PLEKHB2: variants seen among roughly 807,000 people sequenced by gnomAD.
PLEKHB2 encodes pleckstrin homology domain-containing family B member 2.
Under a neutral mutation model 36.5 loss-of-function variants are expected in PLEKHB2, and 31 were observed. The ratio of observed to expected loss-of-function variants is 0.85; its 90% CI spans 0.64 to 1.15. The LOEUF is 1.15. Among genes scored for constraint, PLEKHB2 ranks in the 50% most tolerant of loss-of-function variants. PLEKHB2 has a pLI of 0.00. For missense variants in PLEKHB2, 262 were observed against 295.3 expected (o/e 0.89, Z 0.83); for synonymous variants, 119 against 112.0 (o/e 1.06, Z -0.39).
chr2:131,146,174 CCTT>C (rs1447398441), intron 7 of PLEKHB2, among the ~76,000 whole-genome samples: 5 of 151,096 alleles, frequency 3.3e-5, no homozygotes, highest in East Asian at 1.9e-4. Flanking sequence ...GAGCAAGACT[CCTT>C]CTCAAAAAAA....
chr2:131,105,950 G>C, intron 1 of PLEKHB2, among the ~76,000 whole-genome samples: 1 of 152,120 alleles, frequency 6.6e-6, no homozygotes, highest in East Asian at 1.9e-4. Context: ...CCCTCCTTAA[G>C]TCCCGGGGGG....
chr2:131,120,301 T>A (rs938709086), intron 1 of PLEKHB2: 1 of 153,142 alleles, frequency 6.5e-6, no homozygotes, highest in Non-Finnish European at 1.5e-5. Context: ...GGTTTCACCA[T>A]GTTGGCCAGG....
rs1159863375 is a variant in PLEKHB2 at position 131,132,883 on chromosome 2, C to T, written c.334-19C>T. ...TGCTGGGAAGCTGTCCTGTCCTCAC[C>T]CTCTCCTGTCTCCCGCAGGCGTATG... On this transcript the variant is annotated intron_variant, in intron 5 of 7. Transcript: ENST00000693505. 17 of 1,473,366 alleles carry T rather than the reference C, an allele frequency of 1.2e-5. No homozygotes were observed. In the East Asian group the frequency reaches 3.2e-4, roughly 27 times the overall value. 91.3% of individuals were successfully genotyped at this position (1,473,366 alleles called of 1,614,324 possible).
At chr2:131,139,813 C>T (rs1168021918) in intron 6 of PLEKHB2, among the ~76,000 whole-genome samples, 1 of 152,206 alleles carries the variant, frequency 6.6e-6, no homozygotes, top group African/African-American at 2.4e-5. Context: ...CTCATTATCA[C>T]CTGGTCCAAC....
At chr2:131,108,469 T>TA (rs1694955276) in intron 1 of PLEKHB2, among the ~76,000 whole-genome samples, 3 of 152,282 alleles carry the variant, frequency 2.0e-5, no homozygotes, top group South Asian at 4.1e-4. Flanking sequence ...TTCAGCATGC[T>TA]AAGGCAATCA....
chr2:131,144,232 G>A (rs1281728541), intron 7 of PLEKHB2, among the ~76,000 whole-genome samples: 1 of 152,178 alleles, frequency 6.6e-6, no homozygotes, highest in Non-Finnish European at 1.5e-5. Flanking sequence ...AGTGTGATTG[G>A]GACCAGTGGT....
At chr2:131,113,241 C>T (rs1695509959) in intron 1 of PLEKHB2, among the ~76,000 whole-genome samples, 1 of 152,084 alleles carries the variant, frequency 6.6e-6, no homozygotes. Flanking sequence ...GCCACCATGC[C>T]CCGCTGATTT....
chr2:131,145,613 G>GTTGCACTC (rs1699206007), intron 7 of PLEKHB2, among the ~76,000 whole-genome samples: 4 of 152,172 alleles, frequency 2.6e-5, no homozygotes, highest in African/African-American at 9.7e-5. Context: ...GGCATTACAG[G>GTTGCACTC]TGTGAGCCAT....
intron 1 of PLEKHB2, among the ~76,000 whole-genome samples, chr2:131,110,129 G>T (rs921387049): frequency 1.3e-5 from 2 of 151,676 alleles, no homozygotes; most frequent in African/African-American, 4.8e-5. Flanking sequence ...AAAAAAAATA[G>T]TATTTTATCT....
intron 1 of PLEKHB2, 85 bp from the exon 2 acceptor site, chr2:131,120,849 G>T: frequency 7.2e-7 from 1 of 1,381,428 alleles, no homozygotes; most frequent in Middle Eastern, 1.8e-4. Flanking sequence ...AGCTGATGCT[G>T]AAGGGGATAA....
chr2:131,108,591 A>G (rs1694966502), intron 1 of PLEKHB2, among the ~76,000 whole-genome samples: 1 of 152,192 alleles, frequency 6.6e-6, no homozygotes, highest in Non-Finnish European at 1.5e-5. Flanking sequence ...CCATACATAA[A>G]ATACACTAAC....
chr2:131,140,235 T>C lies in PLEKHB2; in HGVS notation c.492T>C (p.Asn164=). 1.2e-6 allele frequency: 2 copies of C among 1,613,140 alleles called. No homozygotes were observed. Among genetic ancestry groups the C allele is most frequent in the Non-Finnish European group, 1.7e-6 (2 of 1,179,072 alleles). ...PPGTQVVYAA[N]GQAYAVPYQY... Reference sequence around the variant, plus strand: ...GAACTCAAGTTGTCTACGCTGCGAATGGGCAGGCGTATGCCGTGCCCTACC... The same window carrying C: ...GAACTCAAGTTGTCTACGCTGCGAACGGGCAGGCGTATGCCGTGCCCTACC... The change falls in exon 7 of 8, where the codon AAT becomes AAC. Residue 164 remains asparagine (N), a synonymous_variant. Transcript: ENST00000693505.
chr2:131,149,316 AC>A lies in PLEKHB2; in HGVS notation c.*2544del. The A allele has an allele frequency of 6.6e-6, 1 of 152,370 alleles. No homozygotes were observed. Among genetic ancestry groups the A allele is most frequent in the East Asian group, 1.9e-4 (1 of 5,190 alleles). 9.4% of individuals were successfully genotyped at this position (152,370 alleles called of 1,614,324 possible). A position where few individuals can be genotyped will look rare whatever the true frequency, so the allele number is the denominator to read the frequency against. Reference sequence around the variant, plus strand: ...GTGTGAGTCAAGAAGTGCTTGAGTTACAAGAAACTTCTTATTCAGGTTTGAG... The same window carrying A: ...GTGTGAGTCAAGAAGTGCTTGAGTTAAAGAAACTTCTTATTCAGGTTTGAG... On this transcript the variant is annotated 3_prime_UTR_variant, in exon 8 of 8. Transcript: ENST00000693505.
chr2:131,127,808 G>A (rs1455577765), intron 4 of PLEKHB2, among the ~76,000 whole-genome samples: 1 of 152,238 alleles, frequency 6.6e-6, no homozygotes, highest in African/African-American at 2.4e-5. Flanking sequence ...GTAATCTGGA[G>A]TGATGCTGAT....
At chr2:131,137,659 G>T (rs962789821) in intron 6 of PLEKHB2, among the ~76,000 whole-genome samples, 10 of 152,138 alleles carry the variant, frequency 6.6e-5, no homozygotes, top group African/African-American at 2.4e-4. Context: ...CTTTTTGATA[G>T]TTTACTAAAG....
chr2:131,140,227 G>T lies in PLEKHB2; in HGVS notation c.484G>T (p.Ala162Ser). Residue 162 changes from alanine (A) to serine (S), a missense_variant, in exon 7 of 8, where the codon GCT (alanine) becomes TCT (serine). Coordinates refer to ENST00000693505, the MANE Select transcript of PLEKHB2 (RefSeq NM_001100623.2). ...CCCGCCAGGAACTCAAGTTGTCTAC[G>T]CTGCGAATGGGCAGGCGTATGCCGT... ...AYPPGTQVVY[A>S]ANGQAYAVPY... 1 of 1,613,506 alleles carries T rather than the reference G, an allele frequency of 6.2e-7. No individual in the cohort carries two copies. The highest frequency in any genetic ancestry group is 8.5e-7 in the Non-Finnish European group (1 of 1,179,446).
At chr2:131,115,610 C>T (rs1412018096) in intron 1 of PLEKHB2, among the ~76,000 whole-genome samples, 1 of 152,000 alleles carries the variant, frequency 6.6e-6, no homozygotes, top group Non-Finnish European at 1.5e-5. Context: ...GCCTCAGTCT[C>T]CCAAAATGCC....
intron 5 of PLEKHB2, 73 bp downstream of exon 5, chr2:131,130,833 T>A: frequency 9.3e-7 from 1 of 1,070,292 alleles, no homozygotes; most frequent in Non-Finnish European, 1.4e-6. Context: ...CAGGCTTGAG[T>A]GCAGTGGTGC....
intron 5 of PLEKHB2, among the ~76,000 whole-genome samples, chr2:131,131,860 G>A (rs1002625336): frequency 4.1e-5 from 6 of 147,006 alleles, no homozygotes; most frequent in Admixed American, 1.4e-4. Context: ...TTTTGAGACA[G>A]TCTCACTCTG....
Sources: gnomAD v4.1 joint callset for allele counts (sites outside exome capture counted in the v4.1 genomes callset) on GRCh38, gnomAD v4.1.1 for gene constraint, MANE v1.5 for transcripts, NCBI Gene and HGNC (gene_info 2026-07-23, HGNC 2026-07-21) for gene names.